Variants in DYNLT4 observed in about 807,000 individuals in gnomAD.
DYNLT4 encodes the protein Tctex1 domain containing 4.
Under a neutral mutation model 1.5 loss-of-function variants are expected in DYNLT4, and 3 were observed. The ratio of observed to expected loss-of-function variants is 1.97; its 90% CI spans 0.90 to 5.08. DYNLT4 has a LOEUF of 5.08. DYNLT4 is among the 30% of genes most tolerant of loss of function. DYNLT4 has a pLI of 0.02. For missense variants in DYNLT4, 346 were observed against 341.0 expected (o/e 1.01, Z -0.12); for synonymous variants, 181 against 160.0 (o/e 1.13, Z -0.99).
rs1388898689 is a variant in DYNLT4 at position 44,806,086 on chromosome 1, C to T, written c.583G>A (p.Ala195Thr). The change falls in exon 3 of 3, where the codon GCG becomes ACG. Residue 195 changes from alanine (A) to threonine (T), a missense_variant. Ala to Thr is a moderately conservative substitution (Grantham distance 58). Transcript: ENST00000339355. ...GAGACCGAGGCCAGCCCATCGCGCGCCACGTCCCAGAGCGCACGGCTGACC... is the reference window on the plus strand; with the variant it reads ...GAGACCGAGGCCAGCCCATCGCGCGTCACGTCCCAGAGCGCACGGCTGACC... Reference protein sequence around the residue: ...HVVSRALWDVARDGLASVSYT... With the variant: ...HVVSRALWDVTRDGLASVSYT... 1 of 1,607,032 alleles carries T rather than the reference C, an allele frequency of 6.2e-7. No homozygotes were observed. The highest frequency in any genetic ancestry group is 8.5e-7 in the Non-Finnish European group (1 of 1,176,706).
In DYNLT4 at chr1:44,806,205, T is replaced by C. The variant is rs1227469221; in HGVS notation, c.464A>G (p.Gln155Arg). ...GAGCTCGCGCAGGCGAACGTGCACC[T>C]GCTCGCAGAGCTCCCGCACCAGCCG... The part of the protein sequence containing the change: ...AARLVRELCE[Q>R]VHVRLRELSP... The change falls in exon 3 of 3, where the codon CAG (glutamine) becomes CGG (arginine). Residue 155 changes from glutamine (Q) to arginine (R), a missense_variant. Physicochemically the swap from Gln to Arg is conservative, Grantham distance 43 (BLOSUM62 1). Transcript: ENST00000339355. The C allele has an allele frequency of 6.5e-7, 1 of 1,543,392 alleles. No homozygotes were observed. The highest frequency in any genetic ancestry group is 1.7e-4 in the Middle Eastern group (1 of 5,976).
Position 44,806,596 on chromosome 1 carries a change from G to T in DYNLT4, c.73C>A (p.Pro25Thr). The part of the protein sequence containing the change: ...NAKDSGRKPS[P>T]VRPRGCLPSI... ...GGCAGGCAGCCTCGGGGCCGCACCG[G>T]TGAGGGTTTCCGCCCGGAGTCTTTG... is the stretch of plus-strand genomic sequence containing the variant. The change falls in exon 3 of 3, where the codon CCG becomes ACG. Residue 25 changes from proline to threonine, a missense_variant. Pro to Thr is a conservative substitution (Grantham distance 38). Transcript: ENST00000339355. The T allele has an allele frequency of 6.8e-7, 1 of 1,480,700 alleles. No homozygotes were observed. 91.7% of individuals were successfully genotyped at this position (1,480,700 alleles called of 1,614,324 possible).
chr1:44,807,137 T>C, intron 1 of DYNLT4, 188 bp downstream of exon 1: 1 of 983,186 alleles, frequency 1.0e-6, no homozygotes, highest in Non-Finnish European at 1.2e-6. Context: ...GGGTGTTGAA[T>C]CCAGTCATCT....
rs940295890 is a variant in DYNLT4 at position 44,806,802 on chromosome 1, G to A, written c.-30C>T. On this transcript the variant is annotated 5_prime_UTR_variant, in exon 2 of 3. Transcript: ENST00000339355. ...TTCTTACCTGTGTTTTAGAACAAGT[G>A]GATCAGATAGTCCCAGGCTGCCTGG... 7.5e-6 allele frequency: 10 copies of A among 1,341,566 alleles called. No individual in the cohort carries two copies. In the East Asian group the frequency reaches 2.5e-4, roughly 33 times the overall value. The allele number at this position is 1,341,566 out of a possible 1,614,324, so 83.1% of individuals were successfully genotyped here.
Position 44,806,772 on chromosome 1 carries a change from C to T in DYNLT4, c.-12+12G>A, listed in dbSNP as rs1652126543. The T allele has an allele frequency of 7.3e-7, 1 of 1,363,712 alleles. No homozygotes were observed. The highest frequency in any genetic ancestry group is 3.0e-5 in the East Asian group (1 of 33,090). The allele number at this position is 1,363,712 out of a possible 1,614,324, so 84.5% of individuals were successfully genotyped here. A position where few individuals can be genotyped will look rare whatever the true frequency, so the allele number is the denominator to read the frequency against. ...TGATGTCAAGGGTTTTTACCTTCTA[C>T]CCCCTTCTTACCTGTGTTTTAGAAC... is the stretch of plus-strand genomic sequence containing the variant. On this transcript the variant is annotated intron_variant, in intron 2 of 2. Coordinates refer to ENST00000339355, the MANE Select transcript of DYNLT4 (RefSeq NM_001377534.1).
Sources: gnomAD v4.1 joint callset for allele counts on GRCh38, gnomAD v4.1.1 for gene constraint, MANE v1.5 for transcripts, NCBI Gene and HGNC (gene_info 2026-07-23, HGNC 2026-07-21) for gene names.